The following IQCM variants were observed in gnomAD, a reference collection of about 807,000 sequenced individuals.
IQCM encodes IQ motif containing M.
In IQCM, 45 loss-of-function variants were observed where a neutral mutation model predicts 57.6. That is an observed-to-expected ratio of 0.78 (90% CI 0.62 to 1.00). The LOEUF is 1.00. Ranked by LOEUF, IQCM falls within the 50% of genes least tolerant of loss-of-function variation. The pLI, the probability that IQCM is intolerant of heterozygous loss-of-function variation, is 0.00. For synonymous variants in IQCM, 148 were observed against 158.9 expected (o/e 0.93, Z 0.51); for missense variants, 468 against 511.6 (o/e 0.91, Z 0.82).
intron 13 of IQCM, among the ~76,000 whole-genome samples, chr4:149,353,729 A>C (rs1352297838): frequency 6.6e-6 from 1 of 152,204 alleles, no homozygotes; most frequent in African/African-American, 2.4e-5. Flanking sequence ...TCTGAAAAAA[A>C]GAGTCAAATA....
At chr4:149,519,074 T>C (rs894347482) in intron 12 of IQCM, among the ~76,000 whole-genome samples, 2 of 152,174 alleles carry the variant, frequency 1.3e-5, no homozygotes, top group African/African-American at 4.8e-5. Context: ...ACAGTGCAAG[T>C]GACCATTTTT....
intron 8 of IQCM, among the ~76,000 whole-genome samples, chr4:149,590,636 G>A (rs1033793076): frequency 6.6e-6 from 1 of 151,364 alleles, no homozygotes; most frequent in Non-Finnish European, 1.5e-5. Flanking sequence ...AGTGTGTGAT[G>A]TTCCCCTCCT....
At chr4:149,488,162 T>C (rs1445696907) in intron 12 of IQCM, among the ~76,000 whole-genome samples, 2 of 152,168 alleles carry the variant, frequency 1.3e-5, no homozygotes, top group Non-Finnish European at 2.9e-5. Context: ...GGTATTGTTA[T>C]GCTGTTAAGG....
At chr4:149,485,186 T>C (rs1579223352) in intron 12 of IQCM, among the ~76,000 whole-genome samples, 1 of 152,042 alleles carries the variant, frequency 6.6e-6, no homozygotes, top group Non-Finnish European at 1.5e-5. Context: ...CTAGAGTTAG[T>C]CTTCTATGGG....
At chr4:149,661,890 AGTTCTTT>A (rs1561122507) in intron 7 of IQCM, among the ~76,000 whole-genome samples, 1 of 151,956 alleles carries the variant, frequency 6.6e-6, no homozygotes, top group African/African-American at 2.4e-5. Flanking sequence ...TTCTTAAAAA[AGTTCTTT>A]GTTTCATTGA....
chr4:149,762,534 T>A (rs1046694731), intron 2 of IQCM, among the ~76,000 whole-genome samples: 1 of 152,024 alleles, frequency 6.6e-6, no homozygotes, highest in African/African-American at 2.4e-5. Flanking sequence ...TACAAAGACA[T>A]GTGCATTGAA....
chr4:149,571,153 A>G (rs1229701828), intron 9 of IQCM, among the ~76,000 whole-genome samples: 1 of 152,140 alleles, frequency 6.6e-6, no homozygotes, highest in Non-Finnish European at 1.5e-5. Flanking sequence ...GTACACATCC[A>G]AAGGAAATGA....
At chr4:149,668,450 T>C (rs1478757974) in intron 7 of IQCM, among the ~76,000 whole-genome samples, 1 of 152,106 alleles carries the variant, frequency 6.6e-6, no homozygotes, top group Admixed American at 6.6e-5. Flanking sequence ...AAAGGAAAAC[T>C]GGTACCAGCC....
chr4:149,590,098 A>G (rs1409944884), intron 8 of IQCM, among the ~76,000 whole-genome samples: 1 of 151,962 alleles, frequency 6.6e-6, no homozygotes, highest in Non-Finnish European at 1.5e-5. Context: ...TGTTAAGTAA[A>G]ACAATCTCAG....
At chr4:149,619,000 AT>A (rs1756047332) in intron 8 of IQCM, among the ~76,000 whole-genome samples, 1 of 151,968 alleles carries the variant, frequency 6.6e-6, no homozygotes, top group East Asian at 1.9e-4. Context: ...AATAGAAATC[AT>A]TGTATACACA....
At chr4:149,696,961 A>T (rs1174174158) in intron 5 of IQCM, among the ~76,000 whole-genome samples, 1 of 152,094 alleles carries the variant, frequency 6.6e-6, no homozygotes, top group African/African-American at 2.4e-5. Flanking sequence ...TGGAACAATA[A>T]CCCAATCTAA....
At chr4:149,794,104 G>C (rs1048658612) in intron 2 of IQCM, among the ~76,000 whole-genome samples, 2 of 152,218 alleles carry the variant, frequency 1.3e-5, no homozygotes, top group Non-Finnish European at 2.9e-5. Flanking sequence ...CATGAGGCCT[G>C]TACAGAAGAT....
At chr4:149,657,096 C>A (rs1759703813) in intron 7 of IQCM, among the ~76,000 whole-genome samples, 1 of 152,130 alleles carries the variant, frequency 6.6e-6, no homozygotes, top group South Asian at 2.1e-4. Context: ...TGCAACAGAA[C>A]ACCAGAACTT....
At chr4:149,356,686 C>G (rs1363151494) in intron 13 of IQCM, among the ~76,000 whole-genome samples, 4 of 152,134 alleles carry the variant, frequency 2.6e-5, no homozygotes, top group South Asian at 2.1e-4. Flanking sequence ...CATGATGCCT[C>G]CAGCTTTGTT....
rs116234135 is a variant in IQCM at position 149,488,160 on chromosome 4, T to C, written c.1229-54603A>G. Among the ~76,000 whole-genome samples, 186 of 152,292 alleles carry C rather than the reference T, an allele frequency of 1.2e-3. 1 individual carries two copies. The highest frequency in any genetic ancestry group is 4.1e-3 in the African/African-American group (170 of 41,576). ...CTTCATATAAATTTATTGGTATTGT[T>C]ATGCTGTTAAGGATTTCAATGTCTA... is the stretch of plus-strand genomic sequence containing the variant. On this transcript the variant is annotated intron_variant, in intron 12 of 13. Transcript: ENST00000636793.
chr4:149,383,779 C>T (rs1302355261), intron 13 of IQCM, among the ~76,000 whole-genome samples: 1 of 152,014 alleles, frequency 6.6e-6, no homozygotes, highest in Non-Finnish European at 1.5e-5. Context: ...CATGGAGAAA[C>T]CACATCTCCA....
chr4:149,729,260 A>G (rs1420978906), intron 5 of IQCM, among the ~76,000 whole-genome samples: 1 of 152,078 alleles, frequency 6.6e-6, no homozygotes, highest in East Asian at 1.9e-4. Flanking sequence ...TCTTGCTATT[A>G]CCCTCCTTGG....
intron 12 of IQCM, among the ~76,000 whole-genome samples, chr4:149,481,829 G>A (rs1198204707): frequency 6.7e-6 from 1 of 150,012 alleles, no homozygotes; most frequent in African/African-American, 2.4e-5. Context: ...TATTTTGACA[G>A]GAATTGCATT....
At chr4:149,419,937 A>G (rs1734011625) in intron 13 of IQCM, among the ~76,000 whole-genome samples, 2 of 152,180 alleles carry the variant, frequency 1.3e-5, no homozygotes, top group African/African-American at 4.8e-5. Flanking sequence ...CGAAACCACA[A>G]TGAGATAGTA....
Sources: allele counts gnomAD v4.1 joint callset (sites outside exome capture counted in the v4.1 genomes callset), GRCh38; gene constraint gnomAD v4.1.1; transcripts MANE v1.5; gene names NCBI Gene and HGNC (gene_info 2026-07-23, HGNC 2026-07-21).